BTBD3: variants seen among roughly 807,000 people sequenced by gnomAD.
BTBD3 encodes BTB/POZ domain-containing protein 3.
A neutral mutation model predicts 41.6 loss-of-function variants in BTBD3; 14 were observed. The ratio of observed to expected loss-of-function variants is 0.34; its 90% CI spans 0.22 to 0.53. The LOEUF is 0.53. BTBD3 is among the 20% of genes least tolerant of loss of function. The probability of loss-of-function intolerance (pLI) is 0.95; values close to 1 mark genes in which losing one functional copy is unlikely to be tolerated. For synonymous variants in BTBD3, 249 were observed against 233.7 expected (o/e 1.07, Z -0.60); for missense variants, 426 against 654.7 (o/e 0.65, Z 3.81).
chr20:11,916,144 T>G (rs1409632976), upstream of BTBD3, among the ~76,000 whole-genome samples: 1 of 152,176 alleles, frequency 6.6e-6, no homozygotes, highest in Non-Finnish European at 1.5e-5. Context: ...AAAAGCCAGA[T>G]ACTAGATTTG....
At chr20:11,891,888 C>A (rs935331625) in intron 1 of BTBD3, among the ~76,000 whole-genome samples, 2 of 152,052 alleles carry the variant, frequency 1.3e-5, no homozygotes, top group Non-Finnish European at 2.9e-5. Context: ...ATACAGTTTC[C>A]CCAAACTTGG....
rs2057008824 is a variant in BTBD3 at position 11,925,220 on chromosome 20, A to T, written c.*1554A>T. On this transcript the variant is annotated 3_prime_UTR_variant, in exon 4 of 4. Coordinates refer to ENST00000378226, the MANE Select transcript of BTBD3 (RefSeq NM_014962.4). ...GGGGTGTGTGTGTGCCTGCGCACCC[A>T]TGCGCATGCAAGTGTGTTTGCCAGC... 1.3e-5 allele frequency: 2 copies of T among 152,686 alleles called. No individual in the cohort carries two copies. The highest frequency in any genetic ancestry group is 4.8e-5 in the African/African-American group (2 of 41,466). 9.5% of individuals were successfully genotyped at this position (152,686 alleles called of 1,614,324 possible).
intron 1 of BTBD3, among the ~76,000 whole-genome samples, chr20:11,899,684 A>T (rs1207214811): frequency 6.6e-6 from 1 of 151,998 alleles, no homozygotes; most frequent in Non-Finnish European, 1.5e-5. Flanking sequence ...AGTTTTGCTT[A>T]TTGTGTTTCT....
chr20:11,895,119 T>G (rs931990163), intron 1 of BTBD3, among the ~76,000 whole-genome samples: 1 of 152,194 alleles, frequency 6.6e-6, no homozygotes, highest in Non-Finnish European at 1.5e-5. Flanking sequence ...TCTTCTTTGC[T>G]TTGTGGTCTT....
Position 11,923,606 on chromosome 20 carries a change from T to A in BTBD3, c.1509T>A (p.Asp503Glu). 1 of 1,614,062 alleles carries A rather than the reference T, an allele frequency of 6.2e-7. No homozygotes were observed. Among genetic ancestry groups the A allele is most frequent in the South Asian group, 1.1e-5 (1 of 91,072 alleles). ...KVTVQFQCSS[D>E]STNGTGVQGG... Reference sequence around the variant, plus strand: ...CTGTCCAGTTTCAGTGCTCCTCAGATAGCACCAATGGCACTGGGGTACAGG... The same window carrying A: ...CTGTCCAGTTTCAGTGCTCCTCAGAAAGCACCAATGGCACTGGGGTACAGG... The change falls in exon 4 of 4, where the codon GAT becomes GAA. Residue 503 changes from aspartate to glutamate, a missense_variant. Transcript: ENST00000378226. This position sits in a 1 kb window ranked among gnomAD's most constrained non-coding sequence, Gnocchi z 5.3.
intron 1 of BTBD3, among the ~76,000 whole-genome samples, chr20:11,901,186 G>A (rs941396892): frequency 6.6e-6 from 1 of 152,212 alleles, no homozygotes; most frequent in Non-Finnish European, 1.5e-5. Flanking sequence ...TCAGGATGCA[G>A]GTTCAGGCTA....
upstream of BTBD3, among the ~76,000 whole-genome samples, chr20:11,915,655 A>G (rs1001998647): frequency 6.6e-6 from 1 of 152,156 alleles, no homozygotes; most frequent in Non-Finnish European, 1.5e-5. Flanking sequence ...GGTAAGAAAA[A>G]GTAGCCGTCA....
chr20:11,890,974 G>A (rs893262257), intron 1 of BTBD3: 3 of 982,628 alleles, frequency 3.1e-6, no homozygotes, highest in Non-Finnish European at 3.6e-6. Flanking sequence ...GGCGCCGCGG[G>A]CGAGCGGGTC....
upstream of BTBD3, chr20:11,913,358 C>T (rs765834337): frequency 4.6e-5 from 7 of 152,114 alleles, no homozygotes; most frequent in Non-Finnish European, 1.0e-4. Context: ...CACTGCAGTT[C>T]CTTCCTTCCA....
chr20:11,905,461 A>G (rs989760338), intron 1 of BTBD3, among the ~76,000 whole-genome samples: 1 of 152,222 alleles, frequency 6.6e-6, no homozygotes. Context: ...AATAAAATCA[A>G]TAATTTTTAC....
In BTBD3 at chr20:11,923,945, C is replaced by T. The variant is rs1490281326; in HGVS notation, c.*279C>T. On this transcript the variant is annotated 3_prime_UTR_variant, in exon 4 of 4. Transcript: ENST00000378226. This position sits in a 1 kb window ranked among gnomAD's most constrained non-coding sequence, Gnocchi z 5.3. The stretch of plus-strand genomic sequence containing the variant: ...TGGGGAGATTATGTGCTTTCCCAAG[C>T]GTTCCACCACCCTCTCAGTTTTGTC... 1.9e-5 allele frequency: 6 copies of T among 313,706 alleles called. No homozygotes were observed. The highest frequency in any genetic ancestry group is 4.5e-5 in the Admixed American group (1 of 22,322). The allele number at this position is 313,706 out of a possible 1,614,324, so 19.4% of individuals were successfully genotyped here.
Position 11,919,740 on chromosome 20 carries a change from C to A in BTBD3, c.440C>A (p.Ser147Tyr), listed in dbSNP as rs1333036444. Residue 147 changes from serine (S) to tyrosine (Y), a missense_variant, in exon 3 of 4, where the codon TCT (serine) becomes TAT (tyrosine). Physicochemically the swap from Ser to Tyr is moderately radical, Grantham distance 144. Around this residue, in one of 3 missense-constraint regions of BTBD3, gnomAD observed 321 missense variants for 534.8 expected, o/e 0.60. Coordinates refer to ENST00000378226, the MANE Select transcript of BTBD3 (RefSeq NM_014962.4). ...GHKYVLAVGSSVFHAMFYGEL... is the reference protein window; with the variant it reads ...GHKYVLAVGSYVFHAMFYGEL... ...CAGTATGTTTTAGCTGTTGGGAGCT[C>A]TGTGTTCCATGCGATGTTTTACGGA... The A allele has an allele frequency of 6.2e-7, 1 of 1,614,022 alleles. No homozygotes were observed. Among genetic ancestry groups the A allele is most frequent in the South Asian group, 1.1e-5 (1 of 91,086 alleles).
At chr20:11,898,345 C>CTA (rs1287405557) in intron 1 of BTBD3, among the ~76,000 whole-genome samples, 12 of 151,886 alleles carry the variant, frequency 7.9e-5, no homozygotes, top group Non-Finnish European at 1.6e-4. Flanking sequence ...TTTCCTCTGC[C>CTA]TATAATATTT....
intron 1 of BTBD3, among the ~76,000 whole-genome samples, chr20:11,903,668 A>T (rs1343218448): frequency 6.6e-6 from 1 of 151,796 alleles, no homozygotes; most frequent in Non-Finnish European, 1.5e-5. Flanking sequence ...ATGCAGTGGC[A>T]TGATCTCGGC....
Position 11,923,723 on chromosome 20 carries a change from C to T in BTBD3, c.*57C>T. 6.7e-7 allele frequency: 1 copy of T among 1,487,620 alleles called. No homozygotes were observed. Among genetic ancestry groups the T allele is most frequent in the Non-Finnish European group, 9.1e-7 (1 of 1,099,048 alleles). 92.2% of individuals were successfully genotyped at this position (1,487,620 alleles called of 1,614,324 possible). On this transcript the variant is annotated 3_prime_UTR_variant, in exon 4 of 4. Transcript: ENST00000378226. The surrounding 1 kb of genome is among the most constrained non-coding windows in gnomAD (Gnocchi z 5.3). ...AAGTGCACATCTGGTTCCAACTTGC[C>T]TGATGCTTAGCTCATCTGCAAATAT... is the stretch of plus-strand genomic sequence containing the variant.
intron 3 of BTBD3, among the ~76,000 whole-genome samples, chr20:11,920,048 G>A (rs562583790): frequency 1.3e-5 from 2 of 152,168 alleles, no homozygotes; most frequent in African/African-American, 2.4e-5. Flanking sequence ...GCACCTTGAC[G>A]TAGAATTTGG....
At chr20:11,895,829 G>A (rs2056783486) in intron 1 of BTBD3, among the ~76,000 whole-genome samples, 1 of 152,178 alleles carries the variant, frequency 6.6e-6, no homozygotes, top group Non-Finnish European at 1.5e-5. Flanking sequence ...GCAGACTGGA[G>A]TGAGTACTTC....
At chr20:11,896,129 C>G (rs183002705) in intron 1 of BTBD3, among the ~76,000 whole-genome samples, 2 of 152,314 alleles carry the variant, frequency 1.3e-5, no homozygotes, top group Admixed American at 1.3e-4. Context: ...GTTTCGTTGG[C>G]AAGGACTGCC....
intron 1 of BTBD3, among the ~76,000 whole-genome samples, chr20:11,893,990 T>C (rs2056771566): frequency 6.6e-6 from 1 of 152,230 alleles, no homozygotes; most frequent in Non-Finnish European, 1.5e-5. Flanking sequence ...TGAACTAGTT[T>C]TCTGTTGTTT....
Sources: allele counts gnomAD v4.1 joint callset (sites outside exome capture counted in the v4.1 genomes callset), GRCh38; gene constraint gnomAD v4.1.1; regional missense constraint gnomAD v4.1.1; non-coding constraint Gnocchi (gnomAD v3.1); transcripts MANE v1.5; gene names NCBI Gene and HGNC (gene_info 2026-07-23, HGNC 2026-07-21).